Variants in NRXN1 observed in about 807,000 individuals in gnomAD.
NRXN1 encodes the protein neurexin-1.
Under a neutral mutation model 150.9 loss-of-function variants are expected in NRXN1, and 39 were observed. The ratio of observed to expected loss-of-function variants is 0.26; its 90% CI spans 0.20 to 0.34. The LOEUF is 0.34. NRXN1 is among the 10% of genes least tolerant of loss of function. The pLI, the probability that NRXN1 is intolerant of heterozygous loss-of-function variation, is 1.00. For missense variants in NRXN1, 1,815 were observed against 1,949.9 expected (o/e 0.93, Z 1.30); for synonymous variants, 924 against 757.0 (o/e 1.22, Z -3.62).
At chr2:50,719,531 C>A (rs1191626879) in intron 5 of NRXN1, among the ~76,000 whole-genome samples, 2 of 151,796 alleles carry the variant, frequency 1.3e-5, no homozygotes, top group African/African-American at 4.8e-5. Context: ...AAAAAATTAG[C>A]CATGCATGGT....
At chr2:50,452,134 T>C (rs1461618374) in intron 17 of NRXN1, among the ~76,000 whole-genome samples, 6 of 152,212 alleles carry the variant, frequency 3.9e-5, no homozygotes, top group Non-Finnish European at 8.8e-5. Flanking sequence ...GTGAAGTCTT[T>C]GCCCTGTGTC....
chr2:50,721,524 TATA>T (rs2105125294), intron 5 of NRXN1, among the ~76,000 whole-genome samples: 2 of 152,294 alleles, frequency 1.3e-5, no homozygotes, highest in South Asian at 4.1e-4. Flanking sequence ...TCATTTCTCA[TATA>T]ATGTGTTCTC....
At chr2:50,257,122 G>A (rs1314817031) in intron 17 of NRXN1, among the ~76,000 whole-genome samples, 1 of 151,926 alleles carries the variant, frequency 6.6e-6, no homozygotes, top group African/African-American at 2.4e-5. Context: ...TCCATTTTAT[G>A]GATTTAAAAG....
chr2:50,275,118 G>C (rs1444605888), intron 17 of NRXN1, among the ~76,000 whole-genome samples: 1 of 152,118 alleles, frequency 6.6e-6, no homozygotes, highest in East Asian at 1.9e-4. Flanking sequence ...TGTGTAATTG[G>C]AAGTGAGGCT....
At chr2:50,788,796 T>A (rs150375121) in intron 5 of NRXN1, among the ~76,000 whole-genome samples, 1 of 151,770 alleles carries the variant, frequency 6.6e-6, no homozygotes, top group African/African-American at 2.4e-5. Flanking sequence ...TCCCTACCTA[T>A]AAGGAGATTA....
intron 5 of NRXN1, among the ~76,000 whole-genome samples, chr2:50,723,535 C>G (rs1052666617): frequency 1.3e-5 from 2 of 152,166 alleles, no homozygotes; most frequent in African/African-American, 4.8e-5. Context: ...AGGAGGAAAG[C>G]CAAAATCTGT....
chr2:50,399,094 C>T (rs181819354), intron 17 of NRXN1, among the ~76,000 whole-genome samples: 9 of 152,248 alleles, frequency 5.9e-5, no homozygotes, highest in African/African-American at 2.2e-4. Flanking sequence ...GATTATTCTA[C>T]TAACCCTCTG....
intron 18 of NRXN1, among the ~76,000 whole-genome samples, chr2:50,218,096 T>A (rs926641608): frequency 2.0e-5 from 3 of 152,080 alleles, no homozygotes; most frequent in African/African-American, 4.8e-5. Flanking sequence ...CTCTTCTTTC[T>A]TATATGCTAC....
At chr2:50,887,434 T>C (rs1206585055) in intron 5 of NRXN1, among the ~76,000 whole-genome samples, 1 of 151,460 alleles carries the variant, frequency 6.6e-6, no homozygotes, top group East Asian at 1.9e-4. Context: ...TCTTCAGAAG[T>C]ATTTTCCTGC....
intron 17 of NRXN1, among the ~76,000 whole-genome samples, chr2:50,423,098 G>A (rs1028977776): frequency 8.5e-5 from 13 of 152,266 alleles, no homozygotes; most frequent in Admixed American, 2.0e-4. Flanking sequence ...CTTGACAAGT[G>A]AGAATTATTT....
chr2:50,357,044 A>C (rs2078866203), intron 17 of NRXN1, among the ~76,000 whole-genome samples: 1 of 152,116 alleles, frequency 6.6e-6, no homozygotes, highest in Admixed American at 6.6e-5. Flanking sequence ...TGGAAGGCGA[A>C]GACAGAAGGA....
At position 50,205,759 on chromosome 2, in the gene NRXN1, T is replaced by C. The variant is rs543832857; in HGVS notation, c.3546+31030A>G. Among the ~76,000 whole-genome samples the C allele has an allele frequency of 1.1e-4, 17 of 152,230 alleles. No homozygotes were observed. In the South Asian group the frequency reaches 3.5e-3, roughly 31 times the overall value. On this transcript the variant is annotated intron_variant, in intron 18 of 22. Coordinates refer to ENST00000401669, the MANE Select transcript of NRXN1 (RefSeq NM_001330078.2). ...ATTGCAGTATATTCATACAATGGAA[T>C]ATTATTCAGTATTTAAAATAAATGA...
intron 5 of NRXN1, among the ~76,000 whole-genome samples, chr2:50,829,273 G>A (rs991827803): frequency 1.3e-5 from 2 of 150,998 alleles, no homozygotes; most frequent in Admixed American, 6.6e-5. Context: ...GAGAGGGAGA[G>A]GGAGAGGGAG....
At chr2:50,282,147 A>G (rs1161252340) in intron 17 of NRXN1, among the ~76,000 whole-genome samples, 1 of 152,168 alleles carries the variant, frequency 6.6e-6, no homozygotes, top group Non-Finnish European at 1.5e-5. Flanking sequence ...CGTCAGAAGT[A>G]GGAAGCAGAA....
chr2:50,485,873 C>T (rs1329401543), intron 15 of NRXN1, among the ~76,000 whole-genome samples: 3 of 152,188 alleles, frequency 2.0e-5, no homozygotes, highest in East Asian at 3.8e-4. Context: ...AAAAAGCTGT[C>T]GAAAGATAAT....
chr2:50,309,502 TAA>T (rs1553423199), intron 17 of NRXN1, among the ~76,000 whole-genome samples: 2 of 152,122 alleles, frequency 1.3e-5, no homozygotes, highest in African/African-American at 2.4e-5. Flanking sequence ...GTGAGGAAAA[TAA>T]AAGAGACTTT....
chr2:50,186,038 C>T (rs566550873), intron 18 of NRXN1, among the ~76,000 whole-genome samples: 1 of 152,086 alleles, frequency 6.6e-6, no homozygotes, highest in South Asian at 2.1e-4. Context: ...TAAAACCACA[C>T]AATACTAGTA....
intron 9 of NRXN1, among the ~76,000 whole-genome samples, chr2:50,546,294 G>T (rs2093492567): frequency 6.6e-6 from 1 of 152,118 alleles, no homozygotes; most frequent in Non-Finnish European, 1.5e-5. Flanking sequence ...GGATGAAGTT[G>T]TCAAGTTCGC....
At chr2:51,000,139 C>A (rs1222173369) in intron 2 of NRXN1, among the ~76,000 whole-genome samples, 1 of 151,972 alleles carries the variant, frequency 6.6e-6, no homozygotes, top group Non-Finnish European at 1.5e-5. Context: ...ACCTCCACTT[C>A]AGGCCTGTTT....
Sources: allele counts gnomAD v4.1 joint callset (sites outside exome capture counted in the v4.1 genomes callset), GRCh38; gene constraint gnomAD v4.1.1; transcripts MANE v1.5; gene names NCBI Gene and HGNC (gene_info 2026-07-23, HGNC 2026-07-21).